The following MSRB3 variants were observed in gnomAD, a reference collection of about 807,000 sequenced individuals.
MSRB3 encodes methionine sulfoxide reductase B3.
Under a neutral mutation model 21.0 loss-of-function variants are expected in MSRB3, and 13 were observed. The ratio of observed to expected loss-of-function variants is 0.62; its 90% CI spans 0.40 to 0.98. The LOEUF is 0.98. Among genes scored for constraint, MSRB3 ranks in the 50% least tolerant of loss-of-function variants. The pLI is 0.00. For missense variants in MSRB3, 199 were observed against 230.3 expected (o/e 0.86, Z 0.88); for synonymous variants, 87 against 88.6 (o/e 0.98, Z 0.10).
intron 5 of MSRB3, among the ~76,000 whole-genome samples, chr12:65,389,075 G>T (rs756609028): frequency 1.8e-4 from 27 of 151,974 alleles, no homozygotes; most frequent in Non-Finnish European, 3.2e-4. Flanking sequence ...TGTCTTCATT[G>T]TTATGGGTAA....
At chr12:65,397,565 C>T (rs952252051) in intron 5 of MSRB3, among the ~76,000 whole-genome samples, 2 of 151,932 alleles carry the variant, frequency 1.3e-5, no homozygotes, top group African/African-American at 2.4e-5. Flanking sequence ...ATACACTTAC[C>T]ATAATCATTT....
At chr12:65,383,900 C>T (rs542026602) in intron 5 of MSRB3, among the ~76,000 whole-genome samples, 1 of 152,140 alleles carries the variant, frequency 6.6e-6, no homozygotes, top group African/African-American at 2.4e-5. Flanking sequence ...CTCAGGTGAT[C>T]CACCCGCCTC....
intron 5 of MSRB3, among the ~76,000 whole-genome samples, chr12:65,377,999 T>C (rs1053686902): frequency 6.6e-6 from 1 of 152,202 alleles, no homozygotes; most frequent in Non-Finnish European, 1.5e-5. Flanking sequence ...AGGAGAGCCA[T>C]TCATCCTAGA....
intron 5 of MSRB3, among the ~76,000 whole-genome samples, chr12:65,372,964 C>T (rs1878405740): frequency 6.6e-6 from 1 of 152,182 alleles, no homozygotes; most frequent in African/African-American, 2.4e-5. Context: ...CAATCCACTG[C>T]TAACTATACT....
intron 5 of MSRB3, among the ~76,000 whole-genome samples, chr12:65,422,397 TA>T (rs1363185644): frequency 0.019 from 511 of 26,520 alleles, 30 homozygotes; most frequent in African/African-American, 0.042. Flanking sequence ...AGTATATATA[TA>T]TATATATATA....
chr12:65,349,934 T>G (rs1430269366), intron 4 of MSRB3, among the ~76,000 whole-genome samples: 8 of 152,130 alleles, frequency 5.3e-5, no homozygotes, highest in African/African-American at 1.7e-4. Flanking sequence ...TTTGTCAATT[T>G]TGTCTTTTGT....
intron 5 of MSRB3, among the ~76,000 whole-genome samples, chr12:65,431,471 T>C (rs151081414): frequency 1.1e-3 from 163 of 152,188 alleles, no homozygotes; most frequent in African/African-American, 3.8e-3. Context: ...GTTTCTTGCC[T>C]TTCCTGTCAG....
chr12:65,433,333 TTTC>T (rs1881970701), intron 5 of MSRB3, among the ~76,000 whole-genome samples: 1 of 151,976 alleles, frequency 6.6e-6, no homozygotes, highest in Non-Finnish European at 1.5e-5. Flanking sequence ...TGTGGTTTGA[TTTC>T]TTTTCTGTTT....
chr12:65,281,288 T>G (rs1872001268), intron 1 of MSRB3, among the ~76,000 whole-genome samples: 1 of 152,222 alleles, frequency 6.6e-6, no homozygotes, highest in East Asian at 1.9e-4. Flanking sequence ...TTGATGAATT[T>G]GATTCCCATG....
At chr12:65,397,564 C>A (rs1439024718) in intron 5 of MSRB3, among the ~76,000 whole-genome samples, 1 of 151,920 alleles carries the variant, frequency 6.6e-6, no homozygotes, top group East Asian at 1.9e-4. Context: ...TATACACTTA[C>A]CATAATCATT....
chr12:65,463,024 T>A (rs1384738459), intron 6 of MSRB3, 131 bp from the exon 7 acceptor site: 1 of 1,142,328 alleles, frequency 8.8e-7, no homozygotes, highest in Non-Finnish European at 1.3e-6. Context: ...GACAGGCGGA[T>A]TAGAAATCAT....
At chr12:65,332,717 A>T (rs1410901471) in intron 4 of MSRB3, among the ~76,000 whole-genome samples, 3 of 152,252 alleles carry the variant, frequency 2.0e-5, no homozygotes, top group African/African-American at 7.2e-5. Flanking sequence ...GTGCATGCAT[A>T]TACGAGCATA....
intron 4 of MSRB3, among the ~76,000 whole-genome samples, chr12:65,359,812 A>G (rs758932434): frequency 3.0e-4 from 46 of 152,272 alleles, no homozygotes; most frequent in Middle Eastern, 3.4e-3. Context: ...GTTTTGTTTG[A>G]TTTGGCTAAC....
At chr12:65,443,544 G>T (rs1882479923) in intron 5 of MSRB3, among the ~76,000 whole-genome samples, 1 of 152,096 alleles carries the variant, frequency 6.6e-6, no homozygotes, top group African/African-American at 2.4e-5. Flanking sequence ...CTTTTTGTGT[G>T]TGCGTGCTTA....
At chr12:65,343,970 G>A (rs1006288516) in intron 4 of MSRB3, among the ~76,000 whole-genome samples, 2 of 152,066 alleles carry the variant, frequency 1.3e-5, no homozygotes, top group Non-Finnish European at 2.9e-5. Flanking sequence ...CCACTTTACT[G>A]TGTGTGACTT....
At chr12:65,319,132 C>T (rs1439498165) in intron 2 of MSRB3, among the ~76,000 whole-genome samples, 2 of 152,172 alleles carry the variant, frequency 1.3e-5, no homozygotes, top group Non-Finnish European at 2.9e-5. Context: ...CTCCCCTTGA[C>T]TTACAGTAAG....
chr12:65,325,010 T>C (rs915997982), intron 2 of MSRB3, among the ~76,000 whole-genome samples: 4 of 152,076 alleles, frequency 2.6e-5, no homozygotes, highest in Admixed American at 6.6e-5. Flanking sequence ...TTTGTCATGT[T>C]AAGTTTGCAT....
Position 65,394,116 on chromosome 12 carries a change from A to G in MSRB3, c.292+25090A>G, listed in dbSNP as rs575297074. Among the ~76,000 whole-genome samples the G allele has an allele frequency of 2.6e-5, 4 of 152,294 alleles. No homozygotes were observed. The East Asian group carries it at 7.7e-4, about 29-fold the overall frequency. The stretch of plus-strand genomic sequence containing the variant: ...AACCATTTATATAAAACATGTTTGT[A>G]TGTATGCATATATATGAATTAGATG... On this transcript the variant is annotated intron_variant, in intron 5 of 6. Coordinates refer to ENST00000308259, the MANE Select transcript of MSRB3 (RefSeq NM_001031679.3).
intron 5 of MSRB3, chr12:65,419,430 C>T: frequency 1.3e-6 from 1 of 748,820 alleles, no homozygotes. Context: ...TCTTCAGCTG[C>T]AGCTGAGTGA....
Sources: gnomAD v4.1 joint callset for allele counts (sites outside exome capture counted in the v4.1 genomes callset) on GRCh38, gnomAD v4.1.1 for gene constraint, MANE v1.5 for transcripts, NCBI Gene and HGNC (gene_info 2026-07-23, HGNC 2026-07-21) for gene names.